The following WBP2NL variants were observed in gnomAD, a reference collection of about 807,000 sequenced individuals.
The protein encoded by WBP2NL is WBP2 N-terminal like.
Under a neutral mutation model 23.3 loss-of-function variants are expected in WBP2NL, and 27 were observed. The ratio of observed to expected loss-of-function variants is 1.16; its 90% CI spans 0.85 to 1.60. The LOEUF is 1.60. Among genes scored for constraint, WBP2NL ranks in the 40% most tolerant of loss-of-function variants. The pLI is 0.00. For missense variants in WBP2NL, 370 were observed against 389.5 expected, an observed-to-expected ratio of 0.95 and a Z score of 0.42; for synonymous variants, 151 against 145.9, an observed-to-expected ratio of 1.03 and a Z score of -0.25.
At chr22:42,013,900 C>G (rs1602450435) in intron 1 of WBP2NL, among the ~76,000 whole-genome samples, 1 of 152,184 alleles carries the variant, frequency 6.6e-6, no homozygotes, top group South Asian at 2.1e-4. Flanking sequence ...CCGGCCTCAG[C>G]CTCCGGAGTA....
At chr22:42,051,006 TTGAAAA>T (rs1925820711) in intron 8 of WBP2NL, among the ~76,000 whole-genome samples, 1 of 152,140 alleles carries the variant, frequency 6.6e-6, no homozygotes, top group South Asian at 2.1e-4. Flanking sequence ...TCCAAATGAG[TTGAAAA>T]TCTATGTCCA....
intron 1 of WBP2NL, chr22:42,001,967 G>C: frequency 1.6e-6 from 2 of 1,258,738 alleles, no homozygotes; most frequent in Non-Finnish European, 2.1e-6. Flanking sequence ...CCTCTGTGAT[G>C]TCGAAAGAGG....
chr22:42,055,422 G>A (rs1220669276), intron 8 of WBP2NL, among the ~76,000 whole-genome samples: 5 of 152,162 alleles, frequency 3.3e-5, no homozygotes, highest in East Asian at 1.9e-4. Flanking sequence ...TGATCTGCCC[G>A]ACTTGGCCTC....
chr22:42,044,236 A>T (rs529209041), intron 8 of WBP2NL, among the ~76,000 whole-genome samples: 132 of 151,742 alleles, frequency 8.7e-4, no homozygotes, highest in East Asian at 4.3e-3. Flanking sequence ...ATTTTTTTTT[A>T]AATTTTTTTT....
intron 1 of WBP2NL, among the ~76,000 whole-genome samples, chr22:42,013,355 T>TA (rs1007392506): frequency 1.3e-5 from 2 of 148,250 alleles, no homozygotes; most frequent in Non-Finnish European, 3.0e-5. Flanking sequence ...CATTGCACTC[T>TA]AGCCTGGGCA....
In WBP2NL at chr22:42,011,285, G is replaced by A. The variant is rs556181214; in HGVS notation, c.63-8026G>A. Among the ~76,000 whole-genome samples, 8 of 152,000 alleles carry A rather than the reference G, an allele frequency of 5.3e-5. 1 individual carries two copies. The East Asian group carries it at 1.2e-3, about 22-fold the overall frequency. ...TCTTTTTGAGACAGGTTCTCACTCT[G>A]TCACCCTGTCTGGAGTGCAGTGATG... is the stretch of plus-strand genomic sequence containing the variant. On this transcript the variant is annotated intron_variant, in intron 1 of 5. Coordinates refer to ENST00000328823, the MANE Select transcript of WBP2NL (RefSeq NM_152613.3).
intron 1 of WBP2NL, among the ~76,000 whole-genome samples, chr22:42,015,342 G>A (rs942092418): frequency 6.6e-6 from 1 of 152,088 alleles, no homozygotes; most frequent in Non-Finnish European, 1.5e-5. Context: ...GAGCATGAGC[G>A]TGCCTTTCTT....
Position 42,028,076 on chromosome 22 carries a change from A to G in WBP2NL, c.*895A>G. ...TGCGAGAAAACTTGCATGTGTGCACAAAGATGCATGTGGGAAGATTTCATT... is the reference window on the plus strand; with the variant it reads ...TGCGAGAAAACTTGCATGTGTGCACGAAGATGCATGTGGGAAGATTTCATT... On this transcript the variant is annotated 3_prime_UTR_variant, in exon 6 of 6. Coordinates refer to ENST00000328823, the MANE Select transcript of WBP2NL (RefSeq NM_152613.3). The G allele has an allele frequency of 2.5e-6, 1 of 398,536 alleles. No homozygotes were observed. The highest frequency in any genetic ancestry group is 4.4e-6 in the Non-Finnish European group (1 of 226,016). 24.7% of individuals were successfully genotyped at this position (398,536 alleles called of 1,614,324 possible). A position where few individuals can be genotyped will look rare whatever the true frequency, so the allele number is the denominator to read the frequency against.
chr22:42,051,131 T>A (rs547145314), intron 8 of WBP2NL, among the ~76,000 whole-genome samples: 1 of 152,340 alleles, frequency 6.6e-6, no homozygotes, highest in South Asian at 2.1e-4. Context: ...GGTATATCTA[T>A]ACAATGGGAT....
At chr22:42,057,982 T>C (rs1926151619) in intron 8 of WBP2NL, among the ~76,000 whole-genome samples, 2 of 131,758 alleles carry the variant, frequency 1.5e-5, no homozygotes, top group Non-Finnish European at 3.1e-5. Flanking sequence ...GGTGGTGCCA[T>C]CTCGGCTCAC....
chr22:42,048,755 C>CAAA (rs34128048), intron 8 of WBP2NL, among the ~76,000 whole-genome samples: 3 of 109,860 alleles, frequency 2.7e-5, no homozygotes, highest in South Asian at 5.5e-4. Flanking sequence ...GACTCGGTCT[C>CAAA]AAAAAAAAAA....
At chr22:42,045,338 G>T (rs1734391671) in intron 8 of WBP2NL, among the ~76,000 whole-genome samples, 1 of 152,176 alleles carries the variant, frequency 6.6e-6, no homozygotes, top group African/African-American at 2.4e-5. Flanking sequence ...CTACTCTGGA[G>T]GCTGAGGCAG....
chr22:42,008,116 C>CCTTTCCTTTG (rs1569446610), intron 1 of WBP2NL, among the ~76,000 whole-genome samples: 5 of 105,784 alleles, frequency 4.7e-5, no homozygotes, highest in African/African-American at 1.4e-4. Context: ...CCTTTCCTTT[C>CCTTTCCTTTG]CTTTGCTTTC....
chr22:42,050,169 T>C (rs1273082029), intron 8 of WBP2NL, among the ~76,000 whole-genome samples: 1 of 151,732 alleles, frequency 6.6e-6, no homozygotes, highest in East Asian at 1.9e-4. Flanking sequence ...CTACAAAAAT[T>C]AGCTGGGCAT....
At chr22:42,006,930 T>C (rs949619600) in intron 1 of WBP2NL, among the ~76,000 whole-genome samples, 1 of 152,228 alleles carries the variant, frequency 6.6e-6, no homozygotes. Context: ...ATTTTATGCA[T>C]TGTTAAAACG....
chr22:42,030,420 T>A (rs1453460953), downstream of WBP2NL: 2 of 152,198 alleles, frequency 1.3e-5, no homozygotes, highest in Non-Finnish European at 2.9e-5. Flanking sequence ...ATCTTGAAGA[T>A]AAAATATATA....
At chr22:42,039,924 T>G (rs74506620) in intron 8 of WBP2NL, among the ~76,000 whole-genome samples, 1 of 150,130 alleles carries the variant, frequency 6.7e-6, no homozygotes, top group Non-Finnish European at 1.5e-5. Context: ...TTTTTTTTTT[T>G]CCTCGAGATG....
rs1482213374 is a variant in WBP2NL at position 42,022,307 on chromosome 22, T to A, written c.465T>A (p.Tyr155Ter). 2 of 1,614,064 alleles carry A rather than the reference T, an allele frequency of 1.2e-6. No homozygotes were observed. Among genetic ancestry groups the A allele is most frequent in the East Asian group, 2.2e-5 (1 of 44,884 alleles). ...ACTGGTTCAGCTCTATGGGAATTTATGTAATTACTGGGGAAGGGAATATGT... is the reference window on the plus strand; with the variant it reads ...ACTGGTTCAGCTCTATGGGAATTTAAGTAATTACTGGGGAAGGGAATATGT... ...LNDWFSSMGI[Y>*]VITGEGNMCT... Residue 155 changes from tyrosine (Y) to a stop codon, truncating the protein, a stop_gained, in exon 5 of 6, where the codon TAT becomes TAA. Coordinates refer to ENST00000328823, the MANE Select transcript of WBP2NL (RefSeq NM_152613.3). LOFTEE classifies it low-confidence loss of function (END_TRUNC).
intron 4 of WBP2NL, among the ~76,000 whole-genome samples, chr22:42,020,866 G>A (rs6002576): frequency 0.032 from 498 of 15,478 alleles, 3 homozygotes; most frequent in South Asian, 0.066. Context: ...GTGTGTGTGT[G>A]TGTATATATA....
Sources: allele counts gnomAD v4.1 joint callset (sites outside exome capture counted in the v4.1 genomes callset), GRCh38; gene constraint gnomAD v4.1.1; transcripts MANE v1.5; gene names NCBI Gene and HGNC (gene_info 2026-07-23, HGNC 2026-07-21).